Variants in EPHA5 observed in about 807,000 individuals in gnomAD.
The protein encoded by EPHA5 is ephrin type-A receptor 5.
In EPHA5, 60 loss-of-function variants were observed where a neutral mutation model predicts 105.0. The ratio of observed to expected loss-of-function variants is 0.57; its 90% confidence interval spans 0.46 to 0.71. The LOEUF is 0.71. EPHA5 is among the 30% of genes least tolerant of loss of function. The pLI is 0.00. For missense variants in EPHA5, 1,218 were observed against 1,274.7 expected (o/e 0.96, Z 0.68); for synonymous variants, 513 against 449.1 (o/e 1.14, Z -1.80).
chr4:65,420,837 AT>A (rs1723882642), intron 5 of EPHA5, among the ~76,000 whole-genome samples: 1 of 151,972 alleles, frequency 6.6e-6, no homozygotes. Context: ...TTATTTCATA[AT>A]TTATAGAATA....
At position 65,490,290 on chromosome 4, in the gene EPHA5, A is replaced by C. The variant is rs1343204360; in HGVS notation, c.1402+87T>G. ...TCCGGTTGAGGGAAAATTCTCACAC[A>C]GATTTCAGTCAACTTGGCCGTCAGC... On this transcript the variant is annotated intron_variant, in intron 5 of 16. Transcript: ENST00000613740. The C allele has an allele frequency of 2.3e-6, 3 of 1,309,772 alleles. No homozygotes were observed. The Admixed American group carries it at 6.1e-5, about 26-fold the overall frequency. The allele number at this position is 1,309,772 out of a possible 1,614,324, so 81.1% of individuals were successfully genotyped here.
intron 3 of EPHA5, among the ~76,000 whole-genome samples, chr4:65,531,078 C>T (rs981455574): frequency 4.0e-5 from 6 of 149,690 alleles, no homozygotes; most frequent in Middle Eastern, 3.2e-3. Flanking sequence ...TCGCCCAGGC[C>T]GGACTGCGGA....
intron 1 of EPHA5, among the ~76,000 whole-genome samples, chr4:65,659,403 T>C (rs906494371): frequency 7.8e-5 from 9 of 115,698 alleles, no homozygotes; most frequent in Admixed American, 4.5e-4. Flanking sequence ...AAGAGGAAAA[T>C]ATGTGGGAAC....
At chr4:65,348,801 A>G (rs111882668) in intron 13 of EPHA5, among the ~76,000 whole-genome samples, 79 of 50,826 alleles carry the variant, frequency 1.6e-3, no homozygotes, top group Non-Finnish European at 2.5e-3. Flanking sequence ...GTGTATATAT[A>G]TATATATATA....
chr4:65,645,705 G>A (rs1332866321), intron 1 of EPHA5, among the ~76,000 whole-genome samples: 1 of 151,152 alleles, frequency 6.6e-6, no homozygotes, highest in African/African-American at 2.4e-5. Context: ...TTTATTGAGT[G>A]TTCTCAATGT....
chr4:65,510,872 A>G (rs1484014845), intron 3 of EPHA5, among the ~76,000 whole-genome samples: 1 of 152,168 alleles, frequency 6.6e-6, no homozygotes, highest in African/African-American at 2.4e-5. Flanking sequence ...GTATCTCCCA[A>G]CTTGGTGGCA....
intron 5 of EPHA5, among the ~76,000 whole-genome samples, chr4:65,435,442 G>A (rs1337367342): frequency 6.6e-6 from 1 of 152,088 alleles, no homozygotes; most frequent in Non-Finnish European, 1.5e-5. Context: ...AAGTGTAGAA[G>A]ATACTAAGAA....
intron 3 of EPHA5, among the ~76,000 whole-genome samples, chr4:65,519,674 CAA>C (rs1472203500): frequency 1.3e-5 from 2 of 152,126 alleles, no homozygotes; most frequent in African/African-American, 4.8e-5. Context: ...GCAACTTCAG[CAA>C]AGTCTCAGGA....
In EPHA5 at chr4:65,365,216, T is replaced by A. The variant is rs779844711; in HGVS notation, c.1988-14A>T. ...CACCAAATTCACCTTGTGATAAAGATGAAAAAAATGCAAAAACTCATTTGA... is the reference window on the plus strand; with the variant it reads ...CACCAAATTCACCTTGTGATAAAGAAGAAAAAAATGCAAAAACTCATTTGA... On this transcript the variant is annotated splice_polypyrimidine_tract_variant and intron_variant, in intron 10 of 16. Transcript: ENST00000613740. 6.2e-7 allele frequency: 1 copy of A among 1,604,034 alleles called. No homozygotes were observed. Among genetic ancestry groups the A allele is most frequent in the African/African-American group, 1.3e-5 (1 of 74,448 alleles).
intron 2 of EPHA5, among the ~76,000 whole-genome samples, chr4:65,615,903 T>G (rs1003677055): frequency 2.0e-5 from 3 of 151,878 alleles, no homozygotes; most frequent in South Asian, 2.1e-4. Flanking sequence ...AATCTGAAAT[T>G]GCCATTAAAA....
chr4:65,596,068 T>C (rs1743150474), intron 3 of EPHA5, among the ~76,000 whole-genome samples: 2 of 152,204 alleles, frequency 1.3e-5, no homozygotes, highest in African/African-American at 4.8e-5. Context: ...TCCCACCATA[T>C]TCAAATTCAA....
intron 5 of EPHA5, among the ~76,000 whole-genome samples, chr4:65,422,163 G>A (rs931484498): frequency 6.6e-6 from 1 of 152,022 alleles, no homozygotes; most frequent in East Asian, 1.9e-4. Context: ...TTAAAATACT[G>A]GTTTAGAATG....
intron 8 of EPHA5, among the ~76,000 whole-genome samples, chr4:65,400,776 T>G (rs1188166775): frequency 1.3e-5 from 2 of 152,134 alleles, no homozygotes; most frequent in Non-Finnish European, 2.9e-5. Flanking sequence ...AAATACAAAT[T>G]TTCAGTGAAT....
chr4:65,596,079 T>C (rs984891006), intron 3 of EPHA5, among the ~76,000 whole-genome samples: 3 of 152,200 alleles, frequency 2.0e-5, no homozygotes, highest in African/African-American at 4.8e-5. Flanking sequence ...TCAAATTCAA[T>C]TGGTCACATT....
At chr4:65,589,234 C>T (rs1021667193) in intron 3 of EPHA5, among the ~76,000 whole-genome samples, 1 of 141,776 alleles carries the variant, frequency 7.1e-6, no homozygotes, top group Admixed American at 6.9e-5. Context: ...TTTGGTTAAA[C>T]TGCTAACAGA....
rs929899066 is a variant in EPHA5 at position 65,321,235 on chromosome 4, G to T, written c.*2879C>A. On this transcript the variant is annotated 3_prime_UTR_variant, in exon 17 of 17. Transcript: ENST00000613740. ...AGATTATGTATTATTTGCCAAATCTGTTGTATATACTAAAATTGTCATGTC... is the reference window on the plus strand; with the variant it reads ...AGATTATGTATTATTTGCCAAATCTTTTGTATATACTAAAATTGTCATGTC... 2 of 230,400 alleles carry T rather than the reference G, an allele frequency of 8.7e-6. No individual in the cohort carries two copies. The highest frequency in any genetic ancestry group is 1.7e-5 in the Non-Finnish European group (2 of 116,312). The allele number at this position is 230,400 out of a possible 1,614,324, so 14.3% of individuals were successfully genotyped here.
chr4:65,504,379 T>TAGATAG (rs201004744), intron 3 of EPHA5, among the ~76,000 whole-genome samples: 2 of 150,496 alleles, frequency 1.3e-5, no homozygotes, highest in Non-Finnish European at 3.0e-5. Context: ...TATATATATA[T>TAGATAG]ATAGATAGAA....
In EPHA5 at chr4:65,321,594, T is replaced by G. The variant is rs1314396726; in HGVS notation, c.*2520A>C. ...CAAATTGAGATGCAAAAGAAAACTA[T>G]GTGGCTATTTAACTTTCCTTTCAAT... On this transcript the variant is annotated 3_prime_UTR_variant, in exon 17 of 17. Coordinates refer to ENST00000613740, the MANE Select transcript of EPHA5 (RefSeq NM_001281766.3). 1 of 229,274 alleles carries G rather than the reference T, an allele frequency of 4.4e-6. No homozygotes were observed. The highest frequency in any genetic ancestry group is 6.2e-5 in the East Asian group (1 of 16,190). 14.2% of individuals were successfully genotyped at this position (229,274 alleles called of 1,614,324 possible).
chr4:65,488,555 C>CT (rs751723839), intron 5 of EPHA5, among the ~76,000 whole-genome samples: 35 of 152,268 alleles, frequency 2.3e-4, no homozygotes, highest in African/African-American at 8.4e-4. Context: ...CTAGCATTGC[C>CT]TACAGCTGAG....
Sources: allele counts gnomAD v4.1 joint callset (sites outside exome capture counted in the v4.1 genomes callset), GRCh38; gene constraint gnomAD v4.1.1; transcripts MANE v1.5; gene names NCBI Gene and HGNC (gene_info 2026-07-23, HGNC 2026-07-21).